ZYG11A: variants seen among roughly 807,000 people sequenced by gnomAD.
ZYG11A encodes zyg-11 family member A, cell cycle regulator, also known as protein zyg-11 homolog A.
ZYG11A carries 62 observed loss-of-function variants against 77.2 expected under a neutral mutation model. The observed-to-expected ratio is 0.80, with a 90% confidence interval of 0.65 to 0.99. ZYG11A has a LOEUF of 0.99. Ranked by LOEUF, ZYG11A falls within the 50% of genes least tolerant of loss-of-function variation. ZYG11A has a pLI of 0.00. For synonymous variants in ZYG11A, 315 were observed against 324.6 expected (o/e 0.97, Z 0.32); for missense variants, 828 against 896.8 (o/e 0.92, Z 0.98).
At chr1:52,856,790 G>T (rs571086013) in intron 2 of ZYG11A, among the ~76,000 whole-genome samples, 1 of 152,268 alleles carries the variant, frequency 6.6e-6, no homozygotes, top group African/African-American at 2.4e-5. Context: ...CTACATAGTA[G>T]TAGTAACAAT....
intron 11 of ZYG11A, among the ~76,000 whole-genome samples, chr1:52,883,458 C>T (rs565889682): frequency 4.8e-4 from 72 of 150,644 alleles, no homozygotes; most frequent in Non-Finnish European, 5.9e-5. Context: ...TTTTGAGACT[C>T]GGTCTGTTGC....
At chr1:52,891,696 A>G (rs1000885769) in intron 13 of ZYG11A, among the ~76,000 whole-genome samples, 7 of 151,658 alleles carry the variant, frequency 4.6e-5, no homozygotes, top group African/African-American at 1.7e-4. Flanking sequence ...GTCTACTTTT[A>G]TGTAGGAATA....
intron 11 of ZYG11A, 138 bp from the exon 12 acceptor site, chr1:52,885,695 G>A (rs1175979631): frequency 1.4e-5 from 9 of 633,042 alleles, no homozygotes; most frequent in Non-Finnish European, 2.5e-5. Context: ...GATATTGTGT[G>A]TATATAATCG....
intron 1 of ZYG11A, among the ~76,000 whole-genome samples, chr1:52,844,979 A>G (rs990150553): frequency 3.3e-5 from 5 of 151,946 alleles, no homozygotes; most frequent in East Asian, 1.9e-4. Flanking sequence ...TGGTTTCCCT[A>G]TTGTCCAGGC....
At chr1:52,889,979 C>T (rs944594785) in intron 13 of ZYG11A, among the ~76,000 whole-genome samples, 1 of 151,344 alleles carries the variant, frequency 6.6e-6, no homozygotes, top group African/African-American at 2.4e-5. Context: ...TCCCAAAGTG[C>T]TGGGATTACA....
chr1:52,865,745 C>G (rs1646012833), intron 5 of ZYG11A, among the ~76,000 whole-genome samples: 1 of 151,948 alleles, frequency 6.6e-6, no homozygotes, highest in Non-Finnish European at 1.5e-5. Flanking sequence ...TTGCATAACA[C>G]CTTAAAAAAA....
chr1:52,853,269 T>C (rs1051865970), intron 1 of ZYG11A, among the ~76,000 whole-genome samples: 1 of 152,244 alleles, frequency 6.6e-6, no homozygotes, highest in African/African-American at 2.4e-5. Flanking sequence ...TTCTACTTTA[T>C]ACCGTTGTAA....
Position 52,857,319 on chromosome 1 carries a change from T to G in ZYG11A, c.578T>G (p.Phe193Cys). 6.4e-7 allele frequency: 1 copy of G among 1,551,908 alleles called. No homozygotes were observed. Among genetic ancestry groups the G allele is most frequent in the Non-Finnish European group, 8.7e-7 (1 of 1,147,048 alleles). The change falls in exon 3 of 14, where the codon TTT becomes TGT. Residue 193 changes from phenylalanine to cysteine, a missense_variant. Transcript: ENST00000371528. ...LRILSVFNVC[F>C]HTEDLANVSQ... ...ATTTTAAGTGTTTTTAATGTTTGTT[T>G]TCATACTGAAGACCTGGCTAATGTT...
intron 4 of ZYG11A, among the ~76,000 whole-genome samples, chr1:52,863,692 T>A (rs936880437): frequency 6.6e-6 from 1 of 152,230 alleles, no homozygotes; most frequent in Non-Finnish European, 1.5e-5. Context: ...TCACAGTAGC[T>A]TGTATGGAGT....
At position 52,867,583 on chromosome 1, in the gene ZYG11A, A is replaced by AC. The variant is rs1646049572; in HGVS notation, c.1436_1437insC (p.Glu479AspfsTer23). ...GTCATGAGATGGCTCTGTAAGCATG[A>AC]AAACCCCAAGATGCAAACAATGGCA... is the stretch of plus-strand genomic sequence containing the variant. On this transcript the variant is annotated frameshift_variant, in exon 7 of 14. Transcript: ENST00000371528. LOFTEE classifies it high-confidence loss of function. The AC allele has an allele frequency of 6.4e-7, 1 of 1,552,240 alleles. No homozygotes were observed. Among genetic ancestry groups the AC allele is most frequent in the Non-Finnish European group, 8.7e-7 (1 of 1,147,130 alleles).
chr1:52,887,060 A>G lies in ZYG11A; in HGVS notation c.2104+7A>G, dbSNP rs1409896947. On this transcript the variant is annotated splice_region_variant and intron_variant, in intron 13 of 13. Transcript: ENST00000371528. Reference sequence around the variant, plus strand: ...CATGTCTGCAGTAAAAATCGTATGTATTCAACATATATTCAAAACATAATA... The same window carrying G: ...CATGTCTGCAGTAAAAATCGTATGTGTTCAACATATATTCAAAACATAATA... The G allele has an allele frequency of 1.4e-6, 2 of 1,406,190 alleles. No individual in the cohort carries two copies. The highest frequency in any genetic ancestry group is 1.9e-6 in the Non-Finnish European group (2 of 1,026,734). 87.1% of individuals were successfully genotyped at this position (1,406,190 alleles called of 1,614,324 possible). A position where few individuals can be genotyped will look rare whatever the true frequency, so the allele number is the denominator to read the frequency against.
chr1:52,889,519 G>A (rs1003220406), intron 13 of ZYG11A, among the ~76,000 whole-genome samples: 1 of 151,786 alleles, frequency 6.6e-6, no homozygotes, highest in African/African-American at 2.4e-5. Flanking sequence ...CTGGGCTTGA[G>A]TGATCCTCTT....
intron 3 of ZYG11A, among the ~76,000 whole-genome samples, chr1:52,858,644 CTCT>C (rs1645864818): frequency 6.7e-6 from 1 of 148,838 alleles, no homozygotes; most frequent in African/African-American, 2.5e-5. Flanking sequence ...CTGAGTTGTG[CTCT>C]TGTTGCCCAG....
At chr1:52,854,047 CT>C (rs1305259082) in intron 1 of ZYG11A, among the ~76,000 whole-genome samples, 2 of 152,010 alleles carry the variant, frequency 1.3e-5, no homozygotes, top group African/African-American at 4.8e-5. Context: ...CATGTACAGA[CT>C]TTTTTCTTGT....
chr1:52,854,775 A>G (rs1645777610), intron 2 of ZYG11A, 145 bp downstream of exon 2: 2 of 899,980 alleles, frequency 2.2e-6, no homozygotes, highest in Non-Finnish European at 3.1e-6. Context: ...CTGGGATTCC[A>G]TGATGGAAAT....
At chr1:52,849,036 C>A (rs373384167) in intron 1 of ZYG11A, among the ~76,000 whole-genome samples, 28 of 152,040 alleles carry the variant, frequency 1.8e-4, no homozygotes, top group African/African-American at 2.9e-4. Context: ...TTAAAATATT[C>A]TTTCCCAATT....
chr1:52,872,182 A>G (rs1209214535), intron 8 of ZYG11A, among the ~76,000 whole-genome samples: 1 of 152,010 alleles, frequency 6.6e-6, no homozygotes, highest in African/African-American at 2.4e-5. Context: ...GCTCACTGCA[A>G]CCTCCACCTC....
At chr1:52,846,644 T>C (rs1645591250) in intron 1 of ZYG11A, among the ~76,000 whole-genome samples, 1 of 151,900 alleles carries the variant, frequency 6.6e-6, no homozygotes, top group African/African-American at 2.4e-5. Flanking sequence ...CGGCCAATTA[T>C]GGCTATTTTA....
intron 10 of ZYG11A, among the ~76,000 whole-genome samples, chr1:52,878,922 C>T (rs984039053): frequency 3.0e-5 from 4 of 134,392 alleles, no homozygotes; most frequent in African/African-American, 1.2e-4. Flanking sequence ...TGCACTCCAG[C>T]CTGGGCAACA....
Sources: allele counts gnomAD v4.1 joint callset (sites outside exome capture counted in the v4.1 genomes callset), GRCh38; gene constraint gnomAD v4.1.1; transcripts MANE v1.5; gene names NCBI Gene and HGNC (gene_info 2026-07-23, HGNC 2026-07-21).